The following PUM2 variants were observed in gnomAD, a reference collection of about 807,000 sequenced individuals.
The protein encoded by PUM2 is pumilio RNA binding family member 2.
Under a neutral mutation model 124.5 loss-of-function variants are expected in PUM2, and 57 were observed. The observed-to-expected ratio is 0.46, with a 90% CI of 0.37 to 0.57. The LOEUF is 0.57. PUM2 is among the 20% of genes least tolerant of loss of function. The pLI, the probability that PUM2 is intolerant of heterozygous loss-of-function variation, is 0.00. For synonymous variants in PUM2, 460 were observed against 446.1 expected (o/e 1.03, Z -0.39); for missense variants, 1,065 against 1,290.6 (o/e 0.83, Z 2.68).
At chr2:20,287,625 G>C (rs900968519) in intron 10 of PUM2, among the ~76,000 whole-genome samples, 5 of 152,112 alleles carry the variant, frequency 3.3e-5, no homozygotes, top group African/African-American at 1.2e-4. Context: ...AGATTTGGTA[G>C]GCCCATAATC....
intron 14 of PUM2, among the ~76,000 whole-genome samples, chr2:20,261,931 A>G (rs1666397899): frequency 6.6e-6 from 1 of 152,174 alleles, no homozygotes; most frequent in Non-Finnish European, 1.5e-5. Flanking sequence ...GTCTCTACAA[A>G]AAAATTTTAA....
chr2:20,303,435 G>GT (rs11444507), intron 7 of PUM2, among the ~76,000 whole-genome samples: 44,312 of 129,612 alleles, frequency 0.34, 7,197 homozygotes, highest in Middle Eastern at 0.4. Flanking sequence ...AAGCTTTCAA[G>GT]TTTTTTTTTT....
Position 20,339,165 on chromosome 2 carries a change from A to G in PUM2, c.-19+11432T>C, listed in dbSNP as rs115876554. 7.1e-3 allele frequency among the ~76,000 whole-genome samples: 1,073 copies of G among 151,402 alleles called. 18 individuals are homozygous for G. Among genetic ancestry groups the G allele is most frequent in the African/African-American group, 0.025 (1,036 of 41,020 alleles). ...TACTACAATGTATGAGCAAGACTAG[A>G]TTTTTCCTAAATATACTTACATGCA... On this transcript the variant is annotated intron_variant, in intron 1 of 20. Coordinates refer to ENST00000361078, the MANE Select transcript of PUM2 (RefSeq NM_015317.5).
At chr2:20,310,646 A>T (rs558717668) in intron 5 of PUM2, among the ~76,000 whole-genome samples, 2 of 120,362 alleles carry the variant, frequency 1.7e-5, no homozygotes, top group Admixed American at 1.9e-4. Flanking sequence ...ACTGTTTTTA[A>T]GAAGCATTGT....
chr2:20,324,047 G>A (rs766592955), intron 2 of PUM2, among the ~76,000 whole-genome samples: 4 of 151,812 alleles, frequency 2.6e-5, no homozygotes, highest in Non-Finnish European at 5.9e-5. Flanking sequence ...AATTAAGATA[G>A]AGATTATCTA....
At chr2:20,286,202 G>A (rs1254223100) in intron 10 of PUM2, among the ~76,000 whole-genome samples, 1 of 152,184 alleles carries the variant, frequency 6.6e-6, no homozygotes, top group South Asian at 2.1e-4. Context: ...CTCCATAGGG[G>A]AGAAAAGAGG....
chr2:20,332,873 T>C (rs541004781), intron 1 of PUM2: 1 of 152,196 alleles, frequency 6.6e-6, no homozygotes, highest in Non-Finnish European at 1.5e-5. Flanking sequence ...CATGTACTGC[T>C]TGGGGTATAA....
intron 12 of PUM2, among the ~76,000 whole-genome samples, chr2:20,281,049 G>A (rs1436563436): frequency 6.6e-6 from 1 of 152,118 alleles, no homozygotes; most frequent in Non-Finnish European, 1.5e-5. Context: ...TAGAGCTCAT[G>A]TAAGTATGTA....
Position 20,294,407 on chromosome 2 carries a change from G to C in PUM2, c.1121C>G (p.Ala374Gly). The C allele has an allele frequency of 6.2e-7, 1 of 1,614,122 alleles. No homozygotes were observed. Among genetic ancestry groups the C allele is most frequent in the Middle Eastern group, 1.7e-4 (1 of 6,042 alleles). Residue 374 changes from alanine (A) to glycine (G), a missense_variant, in exon 9 of 21, where the codon GCA becomes GGA. Coordinates refer to ENST00000361078, the MANE Select transcript of PUM2 (RefSeq NM_015317.5). ...CTGTCCAGGCTGAGCTTGTGATGCT[G>C]CTTGCTGACTGGCTGTGTTATTTGC... ...AAANNTASQQ[A>G]ASQAQPGQQQ...
In PUM2 at chr2:20,268,486, C is replaced by CGG. The variant is rs1572617523; in HGVS notation, c.1958-5027_1958-5026insCC. Among the ~76,000 whole-genome samples, 8 of 152,156 alleles carry CGG rather than the reference C, an allele frequency of 5.3e-5. No homozygotes were observed. The East Asian group carries it at 1.4e-3, about 26-fold the overall frequency. ...TAAAAAAATTAGCTGGGTGTGGTGGCGTACGCCTGTAGTCCCAGCTACTCG... is the reference window on the plus strand; with the variant it reads ...TAAAAAAATTAGCTGGGTGTGGTGGCGGGTACGCCTGTAGTCCCAGCTACTCG... On this transcript the variant is annotated intron_variant, in intron 13 of 20. Coordinates refer to ENST00000361078, the MANE Select transcript of PUM2 (RefSeq NM_015317.5).
intron 3 of PUM2, among the ~76,000 whole-genome samples, chr2:20,314,915 T>A (rs1199671870): frequency 6.6e-5 from 10 of 150,542 alleles, no homozygotes. Context: ...CATGATACTA[T>A]GAGATCTGAA....
At chr2:20,264,914 T>C (rs753815274) in intron 13 of PUM2, among the ~76,000 whole-genome samples, 1 of 152,122 alleles carries the variant, frequency 6.6e-6, no homozygotes, top group Non-Finnish European at 1.5e-5. Flanking sequence ...TGTCCTAGCT[T>C]TACTTTTTTT....
At chr2:20,290,851 T>C (rs1489308380) in intron 9 of PUM2, 61 bp from the exon 10 acceptor site, 4 of 1,308,062 alleles carry the variant, frequency 3.1e-6, no homozygotes, top group Non-Finnish European at 4.1e-6. Flanking sequence ...TAAATTTATC[T>C]TGGACAACTG....
At chr2:20,256,995 G>A (rs1397425652) in intron 16 of PUM2, among the ~76,000 whole-genome samples, 1 of 121,356 alleles carries the variant, frequency 8.2e-6, no homozygotes, top group Non-Finnish European at 1.6e-5. Context: ...AGTGAGCCAA[G>A]ATTGTGCCAC....
chr2:20,265,113 G>A (rs778526972), intron 13 of PUM2, among the ~76,000 whole-genome samples: 7 of 152,066 alleles, frequency 4.6e-5, no homozygotes, highest in Admixed American at 1.3e-4. Context: ...TTAGCTGGGC[G>A]CGGTGGCGTG....
intron 7 of PUM2, among the ~76,000 whole-genome samples, chr2:20,305,463 GAAAAAAA>G (rs67834545): frequency 3.0e-4 from 14 of 46,158 alleles, no homozygotes; most frequent in Admixed American, 1.1e-3. Flanking sequence ...CCCTGTCTTC[GAAAAAAA>G]AAAAAAAAAA....
At position 20,255,205 on chromosome 2, in the gene PUM2, G is replaced by A; in HGVS notation, c.2748+11C>T. ...ATATATAAACATTTCAAATTATTAG[G>A]GAATTTATACCTGTACCAACTGCTC... On this transcript the variant is annotated intron_variant, in intron 18 of 20. Transcript: ENST00000361078. 2 of 1,574,366 alleles carry A rather than the reference G, an allele frequency of 1.3e-6. No homozygotes were observed. Among genetic ancestry groups the A allele is most frequent in the Non-Finnish European group, 1.7e-6 (2 of 1,156,470 alleles).
chr2:20,350,830 C>T lies in PUM2; in HGVS notation c.-252G>A. ...CTCACAACAACATGGCTGCCACCGC[C>T]GCCTGCCCTCCCCTCCCCCCCGCCC... is the stretch of plus-strand genomic sequence containing the variant. On this transcript the variant is annotated 5_prime_UTR_variant, in exon 1 of 21. Transcript: ENST00000361078. The T allele has an allele frequency of 1.0e-6, 1 of 977,126 alleles. No individual in the cohort carries two copies. The highest frequency in any genetic ancestry group is 1.2e-6 in the Non-Finnish European group (1 of 822,638). The allele number at this position is 977,126 out of a possible 1,614,324, so 60.5% of individuals were successfully genotyped here.
intron 13 of PUM2, among the ~76,000 whole-genome samples, chr2:20,273,860 ATAAC>A (rs1669577833): frequency 1.3e-5 from 2 of 152,194 alleles, no homozygotes; most frequent in South Asian, 4.1e-4. Context: ...AATCTCAAGA[ATAAC>A]TAAACTGAGA....
Sources: allele counts gnomAD v4.1 joint callset (sites outside exome capture counted in the v4.1 genomes callset), GRCh38; gene constraint gnomAD v4.1.1; transcripts MANE v1.5; gene names NCBI Gene and HGNC (gene_info 2026-07-23, HGNC 2026-07-21).